NRG1: variants seen among roughly 807,000 people sequenced by gnomAD.
NRG1 encodes pro-neuregulin-1, membrane-bound isoform.
Under a neutral mutation model 63.8 loss-of-function variants are expected in NRG1, and 18 were observed. The observed-to-expected ratio is 0.28, with a 90% CI of 0.19 to 0.42. The LOEUF (loss-of-function observed/expected upper bound fraction) is 0.42. Ranked by LOEUF, NRG1 falls within the 10% of genes least tolerant of loss-of-function variation. The pLI is 1.00. For synonymous variants in NRG1, 302 were observed against 301.3 expected (o/e 1.00, Z -0.02); for missense variants, 762 against 814.7 (o/e 0.94, Z 0.79).
intron 5 of NRG1, among the ~76,000 whole-genome samples, chr8:32,722,768 G>T (rs1475143013): frequency 6.6e-6 from 1 of 151,956 alleles, no homozygotes; most frequent in Non-Finnish European, 1.5e-5. Context: ...TCTTGAAAGG[G>T]TAAAATAATC....
intron 1 of NRG1, among the ~76,000 whole-genome samples, chr8:31,808,141 T>A (rs927159245): frequency 6.6e-6 from 1 of 152,146 alleles, no homozygotes; most frequent in Non-Finnish European, 1.5e-5. Flanking sequence ...GTTCCAATTT[T>A]ATGATTTTTT....
chr8:32,215,945 G>A (rs1406721886), intron 1 of NRG1, among the ~76,000 whole-genome samples: 1 of 151,952 alleles, frequency 6.6e-6, no homozygotes, highest in Non-Finnish European at 1.5e-5. Context: ...GGAGTTTGAG[G>A]CAGGAGAATT....
At chr8:31,906,086 C>T (rs1048495406) in intron 1 of NRG1, among the ~76,000 whole-genome samples, 3 of 152,200 alleles carry the variant, frequency 2.0e-5, no homozygotes, top group African/African-American at 7.2e-5. Context: ...GGTCAGGAAT[C>T]CAACAACAGC....
intron 5 of NRG1, among the ~76,000 whole-genome samples, chr8:32,700,201 A>T (rs1814481569): frequency 6.6e-6 from 1 of 152,190 alleles, no homozygotes; most frequent in South Asian, 2.1e-4. Flanking sequence ...ATGAATATAA[A>T]ACAATTGCCT....
intron 1 of NRG1, among the ~76,000 whole-genome samples, chr8:32,446,997 C>CG: frequency 4.0e-5 from 1 of 24,960 alleles, no homozygotes; most frequent in African/African-American, 1.5e-4. Context: ...AACTAAAATA[C>CG]TTTTTATTTA....
intron 1 of NRG1, among the ~76,000 whole-genome samples, chr8:32,036,634 A>T (rs902588628): frequency 6.6e-6 from 1 of 151,960 alleles, no homozygotes; most frequent in Non-Finnish European, 1.5e-5. Context: ...ATTCCTTTTC[A>T]TTCTTTTTTC....
chr8:32,220,858 G>C (rs138971234), intron 1 of NRG1: 2 of 152,348 alleles, frequency 1.3e-5, no homozygotes, highest in Non-Finnish European at 2.9e-5. Context: ...CCCTCGGGTA[G>C]AGCCAATCAT....
chr8:32,761,025 A>T (rs1404368978), intron 11 of NRG1: 7 of 981,552 alleles, frequency 7.1e-6, no homozygotes, highest in East Asian at 1.1e-4. Context: ...TTCAAAGCAG[A>T]TACTGCCTTC....
chr8:32,227,276 T>C (rs1408288571), intron 1 of NRG1, among the ~76,000 whole-genome samples: 3 of 152,192 alleles, frequency 2.0e-5, no homozygotes, highest in Non-Finnish European at 2.9e-5. Context: ...AGTCAAAGAC[T>C]AACACATTTA....
rs895255558 is a variant in NRG1, at chr8:32,031,355, A to G, written c.37+391924A>G. On this transcript the variant is annotated intron_variant, in intron 1 of 10. Coordinates refer to the NRG1 transcript ENST00000519301. ...ACTGAAGCTTCTCCTGGGATGATGCAGGCAGCTGCTGCACAGTCACTCCAG... is the reference window on the plus strand; with the variant it reads ...ACTGAAGCTTCTCCTGGGATGATGCGGGCAGCTGCTGCACAGTCACTCCAG... 2.6e-5 allele frequency among the ~76,000 whole-genome samples: 4 copies of G among 152,294 alleles called. No individual in the cohort carries two copies. In the East Asian group the frequency reaches 5.8e-4, roughly 22 times the overall value.
intron 1 of NRG1, among the ~76,000 whole-genome samples, chr8:31,794,471 G>A (rs1821008546): frequency 6.6e-6 from 1 of 150,900 alleles, no homozygotes; most frequent in African/African-American, 2.4e-5. Context: ...GAGGGAAACT[G>A]TGTAAATAAA....
chr8:32,140,504 C>G (rs1836108680), intron 1 of NRG1, among the ~76,000 whole-genome samples: 1 of 151,684 alleles, frequency 6.6e-6, no homozygotes, highest in Non-Finnish European at 1.5e-5. Context: ...ACTCTGTTGC[C>G]CATCCTGGAG....
chr8:31,675,264 C>A (rs967806463), intron 1 of NRG1, among the ~76,000 whole-genome samples: 1 of 152,154 alleles, frequency 6.6e-6, no homozygotes, highest in African/African-American at 2.4e-5. Flanking sequence ...ATCACTTGAA[C>A]CTGGAGGTGG....
chr8:32,425,176 C>G (rs1817203428), intron 1 of NRG1, among the ~76,000 whole-genome samples: 1 of 152,146 alleles, frequency 6.6e-6, no homozygotes, highest in Admixed American at 6.5e-5. Context: ...TGCAAAGAAA[C>G]AAACAAAAGA....
chr8:32,437,008 A>T (rs1818877814), intron 1 of NRG1, among the ~76,000 whole-genome samples: 1 of 152,010 alleles, frequency 6.6e-6, no homozygotes, highest in Non-Finnish European at 1.5e-5. Flanking sequence ...GGTCACCAAG[A>T]TGTTTGGGAC....
intron 1 of NRG1, among the ~76,000 whole-genome samples, chr8:31,884,353 TGAAGTC>T (rs1344610843): frequency 6.6e-6 from 1 of 152,090 alleles, no homozygotes; most frequent in Non-Finnish European, 1.5e-5. Flanking sequence ...CTCTAGCTCT[TGAAGTC>T]TTCTAATCAA....
intron 1 of NRG1, among the ~76,000 whole-genome samples, chr8:32,563,666 T>C (rs1836880583): frequency 6.6e-6 from 1 of 152,188 alleles, no homozygotes. Context: ...ACAGAGCCTT[T>C]CAGAATAATT....
intron 1 of NRG1, among the ~76,000 whole-genome samples, chr8:32,409,382 G>A (rs1456400124): frequency 6.6e-6 from 1 of 152,156 alleles, no homozygotes; most frequent in Non-Finnish European, 1.5e-5. Flanking sequence ...GCAAGCAAAT[G>A]CAACAAAAGC....
chr8:32,616,233 T>A (rs1396552134), intron 4 of NRG1, among the ~76,000 whole-genome samples: 1 of 151,982 alleles, frequency 6.6e-6, no homozygotes, highest in African/African-American at 2.4e-5. Context: ...CCTGAGAAAA[T>A]CTTGCTACTA....
Sources: gnomAD v4.1 joint callset for allele counts (sites outside exome capture counted in the v4.1 genomes callset) on GRCh38, gnomAD v4.1.1 for gene constraint, MANE v1.5 for transcripts, NCBI Gene and HGNC (gene_info 2026-07-23, HGNC 2026-07-21) for gene names.